The following NELL1 variants were observed in gnomAD, a reference collection of about 807,000 sequenced individuals.
NELL1 encodes protein kinase C-binding protein NELL1.
Under a neutral mutation model 107.4 loss-of-function variants are expected in NELL1, and 76 were observed. The observed-to-expected ratio is 0.71, with a 90% CI of 0.59 to 0.86. The LOEUF (loss-of-function observed/expected upper bound fraction) is 0.86, where lower values mean the gene tolerates loss of function less well. Among genes scored for constraint, NELL1 ranks in the 40% least tolerant of loss-of-function variants. The pLI is 0.00. For missense variants in NELL1, 1,024 were observed against 1,005.5 expected, an observed-to-expected ratio of 1.02 and a Z score of -0.25; for synonymous variants, 353 against 341.2, an observed-to-expected ratio of 1.03 and a Z score of -0.38.
At chr11:21,067,604 G>A (rs371024082) in intron 12 of NELL1, among the ~76,000 whole-genome samples, 2 of 152,274 alleles carry the variant, frequency 1.3e-5, no homozygotes, top group East Asian at 1.9e-4. Context: ...ATGTGTTAAC[G>A]AAGGAGTCTG....
At chr11:20,833,792 T>C (rs1343477050) in intron 3 of NELL1, among the ~76,000 whole-genome samples, 1 of 152,164 alleles carries the variant, frequency 6.6e-6, no homozygotes, top group Non-Finnish European at 1.5e-5. Flanking sequence ...GATAAGAGCC[T>C]TCCAGGTAGT....
chr11:20,740,627 T>C (rs1855868463), intron 2 of NELL1, among the ~76,000 whole-genome samples: 1 of 152,202 alleles, frequency 6.6e-6, no homozygotes, highest in Non-Finnish European at 1.5e-5. Context: ...AGTTGCAGCA[T>C]TTGATTTCTT....
intron 12 of NELL1, among the ~76,000 whole-genome samples, chr11:21,097,991 A>T (rs76314326): frequency 6.6e-6 from 1 of 151,150 alleles, no homozygotes; most frequent in African/African-American, 2.4e-5. Flanking sequence ...AAAAAAAAAA[A>T]GCTACCCTGA....
At chr11:21,523,992 T>A (rs1017080736) in intron 15 of NELL1, among the ~76,000 whole-genome samples, 4 of 152,182 alleles carry the variant, frequency 2.6e-5, no homozygotes, top group African/African-American at 9.7e-5. Context: ...TCCCTGCTAC[T>A]ATACCTTGGT....
At chr11:20,723,616 C>T (rs1855442695) in intron 2 of NELL1, among the ~76,000 whole-genome samples, 1 of 152,144 alleles carries the variant, frequency 6.6e-6, no homozygotes, top group African/African-American at 2.4e-5. Context: ...TGTTGAGTGC[C>T]TGTGGCTTTT....
In NELL1 at chr11:21,113,457, T is replaced by C; in HGVS notation, c.1301-132T>C. Reference sequence around the variant, plus strand: ...CCAAGCTGAATTTTCACCTAAGCTTTTGTGTTTAATGCATGTTACTTTTTC... The same window carrying C: ...CCAAGCTGAATTTTCACCTAAGCTTCTGTGTTTAATGCATGTTACTTTTTC... On this transcript the variant is annotated intron_variant, in intron 12 of 19. Coordinates refer to ENST00000357134, the MANE Select transcript of NELL1 (RefSeq NM_006157.5). The C allele has an allele frequency of 1.1e-5, 9 of 855,824 alleles. No homozygotes were observed. The South Asian group carries it at 1.5e-4, about 14-fold the overall frequency. 53.0% of individuals were successfully genotyped at this position (855,824 alleles called of 1,614,324 possible).
At chr11:21,221,599 T>A (rs1287027022) in intron 13 of NELL1, among the ~76,000 whole-genome samples, 4 of 152,206 alleles carry the variant, frequency 2.6e-5, no homozygotes, top group East Asian at 1.9e-4. Context: ...TTCTTTCTGC[T>A]TTAAAATTGA....
intron 14 of NELL1, 78 bp downstream of exon 14, chr11:21,229,532 T>C (rs1857988204): frequency 6.3e-7 from 1 of 1,576,450 alleles, no homozygotes; most frequent in Non-Finnish European, 8.7e-7. Flanking sequence ...CGGACCTTCT[T>C]GGTAACTCTT....
chr11:20,767,955 GGAGA>G (rs1856566174), intron 2 of NELL1, among the ~76,000 whole-genome samples: 1 of 152,098 alleles, frequency 6.6e-6, no homozygotes, highest in Non-Finnish European at 1.5e-5. Context: ...GAGCTATACT[GGAGA>G]GAGAAAGAGA....
chr11:21,135,599 G>T (rs898999359), intron 13 of NELL1, among the ~76,000 whole-genome samples: 1 of 152,114 alleles, frequency 6.6e-6, no homozygotes, highest in African/African-American at 2.4e-5. Flanking sequence ...TTGAAAAACA[G>T]GAATGATAAC....
At chr11:21,551,612 G>A (rs1856587408) in intron 16 of NELL1, among the ~76,000 whole-genome samples, 1 of 151,558 alleles carries the variant, frequency 6.6e-6, no homozygotes, top group South Asian at 2.1e-4. Context: ...AGTTAGAATG[G>A]CAATCATTAA....
At chr11:21,486,710 A>T (rs1854643445) in intron 15 of NELL1, among the ~76,000 whole-genome samples, 1 of 152,192 alleles carries the variant, frequency 6.6e-6, no homozygotes, top group Non-Finnish European at 1.5e-5. Context: ...AATTCTGAAA[A>T]ATGATACAGA....
intron 15 of NELL1, among the ~76,000 whole-genome samples, chr11:21,450,106 G>GATGCA (rs1212239967): frequency 6.6e-6 from 1 of 152,060 alleles, no homozygotes; most frequent in African/African-American, 2.4e-5. Flanking sequence ...TGCAGCTTTA[G>GATGCA]GTTACTTCTG....
At chr11:21,251,662 C>T (rs948298444) in intron 14 of NELL1, among the ~76,000 whole-genome samples, 4 of 151,854 alleles carry the variant, frequency 2.6e-5, no homozygotes, top group Non-Finnish European at 1.5e-5. Context: ...AAGTTACCAC[C>T]AGGCAGTGCT....
At chr11:20,710,984 TTTTA>T (rs1186311537) in intron 2 of NELL1, among the ~76,000 whole-genome samples, 7 of 152,066 alleles carry the variant, frequency 4.6e-5, no homozygotes, top group Admixed American at 1.3e-4. Flanking sequence ...CAGCTTTTTG[TTTTA>T]TTTATTTTTT....
At chr11:21,308,189 AAG>A (rs1437074190) in intron 14 of NELL1, among the ~76,000 whole-genome samples, 9 of 152,050 alleles carry the variant, frequency 5.9e-5, no homozygotes, top group African/African-American at 1.9e-4. Context: ...TGTGAACCTT[AAG>A]AGAGATAATG....
rs567455367 is a variant in NELL1, at chr11:21,486,035, C to T, written c.1646-48339C>T. 5.9e-5 allele frequency among the ~76,000 whole-genome samples: 9 copies of T among 152,158 alleles called. No homozygotes were observed. The East Asian group carries it at 7.8e-4, about 13-fold the overall frequency. ...ACATCACCGTGGACCACTGGGGTTCCGGTGGGTTGCCTCACCACTACTTCT... is the reference window on the plus strand; with the variant it reads ...ACATCACCGTGGACCACTGGGGTTCTGGTGGGTTGCCTCACCACTACTTCT... On this transcript the variant is annotated intron_variant, in intron 15 of 19. Transcript: ENST00000357134.
intron 2 of NELL1, among the ~76,000 whole-genome samples, chr11:20,724,799 C>T (rs956284685): frequency 1.3e-5 from 2 of 152,166 alleles, no homozygotes; most frequent in Admixed American, 6.6e-5. Context: ...CAGTACCCCA[C>T]TCTGCCGGTA....
At chr11:20,702,259 C>G (rs568988375) in intron 2 of NELL1, among the ~76,000 whole-genome samples, 9 of 152,200 alleles carry the variant, frequency 5.9e-5, no homozygotes, top group African/African-American at 2.2e-4. Context: ...GTATTTTATT[C>G]TCTTTGAAGC....
Sources: gnomAD v4.1 joint callset for allele counts (sites outside exome capture counted in the v4.1 genomes callset) on GRCh38, gnomAD v4.1.1 for gene constraint, MANE v1.5 for transcripts, NCBI Gene and HGNC (gene_info 2026-07-23, HGNC 2026-07-21) for gene names.